The following MARCHF1 variants were observed in gnomAD, a reference collection of about 807,000 sequenced individuals.
MARCHF1 encodes the protein E3 ubiquitin-protein ligase MARCHF1.
A neutral mutation model predicts 54.2 loss-of-function variants in MARCHF1; 40 were observed. The observed-to-expected ratio is 0.74, with a 90% CI of 0.57 to 0.96. The LOEUF is 0.96. Among genes scored for constraint, MARCHF1 ranks in the 40% least tolerant of loss-of-function variants. The pLI is 0.00. For missense variants in MARCHF1, 586 were observed against 656.5 expected, an observed-to-expected ratio of 0.89 and a Z score of 1.17; for synonymous variants, 236 against 236.3, an observed-to-expected ratio of 1.00 and a Z score of 0.01.
chr4:164,045,504 T>C (rs1395274128), intron 2 of MARCHF1, among the ~76,000 whole-genome samples: 1 of 136,182 alleles, frequency 7.3e-6, no homozygotes, highest in African/African-American at 2.6e-5. Context: ...GGAGTGAGAC[T>C]CCATCTTTAA....
chr4:164,048,194 T>C (rs79957426), intron 2 of MARCHF1, among the ~76,000 whole-genome samples: 2,214 of 152,294 alleles, frequency 0.015, 48 homozygotes, highest in African/African-American at 0.047. Context: ...ATTTTTTAAA[T>C]AGATATTTTT....
At chr4:163,524,477 T>C (rs1738033152), downstream of MARCHF1, 1 of 152,238 alleles carries the variant, frequency 6.6e-6, no homozygotes, top group Admixed American at 6.5e-5. Context: ...TTAGATTACA[T>C]TGTGATTTCT....
At chr4:163,610,941 T>G (rs1400305311) in intron 7 of MARCHF1, among the ~76,000 whole-genome samples, 3 of 152,036 alleles carry the variant, frequency 2.0e-5, no homozygotes, top group Non-Finnish European at 4.4e-5. Flanking sequence ...CTAGATGGTC[T>G]TCCCTGCTTC....
At chr4:163,657,993 T>A (rs1035666906) in intron 5 of MARCHF1, among the ~76,000 whole-genome samples, 1 of 147,340 alleles carries the variant, frequency 6.8e-6, no homozygotes, top group South Asian at 2.1e-4. Flanking sequence ...ATTCAGGACA[T>A]AGGCACAGGC....
At chr4:164,140,563 A>G (rs1195808220) in intron 1 of MARCHF1, among the ~76,000 whole-genome samples, 2 of 152,066 alleles carry the variant, frequency 1.3e-5, no homozygotes, top group Non-Finnish European at 1.5e-5. Flanking sequence ...GCATGTAGGT[A>G]TATTTCTTCT....
At chr4:163,899,521 T>A (rs1206115812) in intron 3 of MARCHF1, among the ~76,000 whole-genome samples, 1 of 152,160 alleles carries the variant, frequency 6.6e-6, no homozygotes, top group Non-Finnish European at 1.5e-5. Flanking sequence ...AACATAAGAA[T>A]AGTCCCTGGC....
At chr4:163,935,607 G>T (rs1252198847) in intron 3 of MARCHF1, among the ~76,000 whole-genome samples, 1 of 151,530 alleles carries the variant, frequency 6.6e-6, no homozygotes, top group East Asian at 1.9e-4. Flanking sequence ...GCTCTGATTA[G>T]TCTTTGACTT....
intron 1 of MARCHF1, among the ~76,000 whole-genome samples, chr4:164,143,980 C>G (rs892997058): frequency 6.6e-6 from 1 of 152,150 alleles, no homozygotes; most frequent in Non-Finnish European, 1.5e-5. Flanking sequence ...GGAAGAAGAT[C>G]TACCAAGCAA....
At chr4:164,348,673 GAATT>G (rs1730187723) in intron 1 of MARCHF1, among the ~76,000 whole-genome samples, 1 of 152,128 alleles carries the variant, frequency 6.6e-6, no homozygotes, top group African/African-American at 2.4e-5. Flanking sequence ...GACAGAGAAT[GAATT>G]AATAATAACA....
intron 4 of MARCHF1, among the ~76,000 whole-genome samples, chr4:163,838,784 T>G (rs940633691): frequency 6.6e-6 from 1 of 152,062 alleles, no homozygotes; most frequent in African/African-American, 2.4e-5. Context: ...ATGTGAGAGC[T>G]GACACTACAA....
intron 1 of MARCHF1, among the ~76,000 whole-genome samples, chr4:164,121,361 T>C (rs760526307): frequency 2.0e-5 from 3 of 151,924 alleles, no homozygotes; most frequent in Non-Finnish European, 4.4e-5. Context: ...AGGAAAGAGG[T>C]TTAATTGACT....
chr4:164,094,285 G>C (rs1755363623), intron 2 of MARCHF1, among the ~76,000 whole-genome samples: 1 of 152,134 alleles, frequency 6.6e-6, no homozygotes, highest in African/African-American at 2.4e-5. Context: ...GCCTGCCATG[G>C]GCCCAGGTTA....
In MARCHF1 at chr4:163,528,632, T is replaced by C. The variant is rs1738229166; in HGVS notation, c.*116A>G. ...TTTGAACAAAGTCAGGAAAAATGTG[T>C]CAGTAGGAGAAAGGAGGAGCTGAAG... On this transcript the variant is annotated 3_prime_UTR_variant, in exon 10 of 10. Transcript: ENST00000514618. 1 of 1,059,574 alleles carries C rather than the reference T, an allele frequency of 9.4e-7. No individual in the cohort carries two copies. The highest frequency in any genetic ancestry group is 1.3e-6 in the Non-Finnish European group (1 of 741,724). The allele number at this position is 1,059,574 out of a possible 1,614,324, so 65.6% of individuals were successfully genotyped here. A position where few individuals can be genotyped will look rare whatever the true frequency, so the allele number is the denominator to read the frequency against.
chr4:163,660,784 A>G (rs979550852), intron 5 of MARCHF1, among the ~76,000 whole-genome samples: 6 of 152,188 alleles, frequency 3.9e-5, no homozygotes, highest in African/African-American at 1.4e-4. Flanking sequence ...GCCTGTGAAT[A>G]AACACTCTGT....
At chr4:164,228,482 T>C (rs549658291) in intron 1 of MARCHF1, among the ~76,000 whole-genome samples, 1 of 152,320 alleles carries the variant, frequency 6.6e-6, no homozygotes, top group East Asian at 1.9e-4. Context: ...TGGAACCCTT[T>C]GGTGTACCAT....
intron 4 of MARCHF1, among the ~76,000 whole-genome samples, chr4:163,765,190 T>C (rs1746939478): frequency 6.6e-6 from 1 of 152,080 alleles, no homozygotes; most frequent in Non-Finnish European, 1.5e-5. Context: ...TCATTGATTG[T>C]TAGAATTAAG....
In MARCHF1 at chr4:164,269,282, G is replaced by C. The variant is rs1387640289; in HGVS notation, c.-323+114588C>G. ...CTCTGTTTGTCCAGCTTATCCTGTA[G>C]GTGTCTCTATAATAGGACCTATCAT... On this transcript the variant is annotated intron_variant, in intron 1 of 9. Coordinates refer to ENST00000514618, the MANE Select transcript of MARCHF1 (RefSeq NM_001394959.1). Among the ~76,000 whole-genome samples the C allele has an allele frequency of 2.0e-5, 3 of 152,198 alleles. No individual in the cohort carries two copies. The East Asian group carries it at 5.8e-4, about 29-fold the overall frequency.
intron 3 of MARCHF1, among the ~76,000 whole-genome samples, chr4:163,959,092 T>A (rs565890099): frequency 7.2e-4 from 109 of 152,044 alleles, no homozygotes; most frequent in Non-Finnish European, 1.4e-3. Context: ...TTCCCCAGGT[T>A]GATCTACCAT....
chr4:164,169,138 C>T (rs1289254520), intron 1 of MARCHF1, among the ~76,000 whole-genome samples: 2 of 152,082 alleles, frequency 1.3e-5, no homozygotes, highest in African/African-American at 2.4e-5. Flanking sequence ...ATATGTTCAT[C>T]TGCTTCATAA....
Sources: gnomAD v4.1 joint callset for allele counts (sites outside exome capture counted in the v4.1 genomes callset) on GRCh38, gnomAD v4.1.1 for gene constraint, MANE v1.5 for transcripts, NCBI Gene and HGNC (gene_info 2026-07-23, HGNC 2026-07-21) for gene names.